The following KANK1 variants were observed in gnomAD, a reference collection of about 807,000 sequenced individuals.
The protein encoded by KANK1 is KN motif and ankyrin repeat domain-containing protein 1.
In KANK1, 109 loss-of-function variants were observed where a neutral mutation model predicts 106.2. The observed-to-expected ratio is 1.03, with a 90% CI of 0.88 to 1.20. The LOEUF (loss-of-function observed/expected upper bound fraction) is 1.20, where lower values mean the gene tolerates loss of function less well. KANK1 is among the 50% of genes most tolerant of loss of function. The pLI, the probability that KANK1 is intolerant of heterozygous loss-of-function variation, is 0.00. For synonymous variants in KANK1, 873 were observed against 652.2 expected (o/e 1.34, Z -5.16); for missense variants, 2,399 against 1,710.7 (o/e 1.40, Z -7.10).
At chr9:615,579 G>A (rs775570037) in intron 1 of KANK1, among the ~76,000 whole-genome samples, 2 of 152,136 alleles carry the variant, frequency 1.3e-5, no homozygotes, top group African/African-American at 4.8e-5. Context: ...TGTTCTTGTG[G>A]TACCTAGCAC....
In KANK1 at chr9:704,233, TA is replaced by T. The variant is rs774569219; in HGVS notation, c.38-6570del. Among the ~76,000 whole-genome samples the T allele has an allele frequency of 1.1e-4, 17 of 152,298 alleles. 1 individual carries two copies. Among genetic ancestry groups the T allele is most frequent in the Admixed American group, 7.2e-4 (11 of 15,300 alleles). On this transcript the variant is annotated intron_variant, in intron 2 of 11. Coordinates refer to ENST00000382297, the MANE Select transcript of KANK1 (RefSeq NM_015158.5). ...CGATAGCTAAAACAAAATAGACCTTTATATCTTTTTCACTTAAAAGTATAGA... is the reference window on the plus strand; with the variant it reads ...CGATAGCTAAAACAAAATAGACCTTTTATCTTTTTCACTTAAAAGTATAGA...
intron 1 of KANK1, among the ~76,000 whole-genome samples, chr9:530,175 T>A (rs2133486344): frequency 6.6e-6 from 1 of 152,336 alleles, no homozygotes; most frequent in South Asian, 2.1e-4. Flanking sequence ...GAATTGGAGT[T>A]GTTTGCAGTT....
intron 1 of KANK1, chr9:674,274 G>T (rs895371828): frequency 6.6e-6 from 1 of 151,888 alleles, no homozygotes; most frequent in Non-Finnish European, 1.5e-5. Flanking sequence ...AGAAACTAAG[G>T]ATCAGCAGGG....
At chr9:541,995 A>G (rs1344247536) in intron 1 of KANK1, among the ~76,000 whole-genome samples, 1 of 151,602 alleles carries the variant, frequency 6.6e-6, no homozygotes, top group Non-Finnish European at 1.5e-5. Context: ...AGGCTGAGGC[A>G]GGAGAATGGC....
chr9:570,715 G>A (rs1254549425), intron 1 of KANK1, among the ~76,000 whole-genome samples: 1 of 152,142 alleles, frequency 6.6e-6, no homozygotes, highest in Non-Finnish European at 1.5e-5. Flanking sequence ...TGTAGTTTTT[G>A]TAAGTTTTTA....
chr9:533,841 T>C (rs1479459802), intron 1 of KANK1, among the ~76,000 whole-genome samples: 1 of 152,242 alleles, frequency 6.6e-6, no homozygotes. Flanking sequence ...AAGTTCATTA[T>C]GTAGTTGCCT....
chr9:499,740 A>G (rs1009761868), upstream of KANK1, among the ~76,000 whole-genome samples: 1 of 152,236 alleles, frequency 6.6e-6, no homozygotes. Context: ...TGAGAATTAC[A>G]TTGACATAGA....
chr9:503,476 T>C (rs1317889702), upstream of KANK1, among the ~76,000 whole-genome samples: 2 of 152,304 alleles, frequency 1.3e-5, no homozygotes, highest in South Asian at 2.1e-4. Context: ...GCAGGTGTGC[T>C]TCGCTGTGAA....
intron 2 of KANK1, among the ~76,000 whole-genome samples, chr9:710,393 G>A (rs898087067): frequency 9.2e-5 from 14 of 152,006 alleles, no homozygotes; most frequent in Non-Finnish European, 1.8e-4. Flanking sequence ...CAGGTTGGGT[G>A]GATCACCTAA....
At chr9:546,021 A>G (rs2060910626) in intron 1 of KANK1, among the ~76,000 whole-genome samples, 1 of 152,122 alleles carries the variant, frequency 6.6e-6, no homozygotes, top group Non-Finnish European at 1.5e-5. Context: ...TGCTGGGATT[A>G]CAGGTGTGAG....
chr9:663,052 G>A lies in KANK1; in HGVS notation c.-83-13838G>A, dbSNP rs113340546. ...CCCTTTTACTTAGTGACAGTCCCAG[G>A]CACACACGAGCTTGTCATTAACAAT... is the stretch of plus-strand genomic sequence containing the variant. On this transcript the variant is annotated intron_variant, in intron 1 of 11. Transcript: ENST00000382297. Among the ~76,000 whole-genome samples the A allele has an allele frequency of 1.1e-3, 172 of 152,276 alleles. 1 individual carries two copies. Among genetic ancestry groups the A allele is most frequent in the African/African-American group, 3.9e-3 (164 of 41,530 alleles).
In KANK1 at chr9:664,327, C is replaced by G. The variant is rs113409723; in HGVS notation, c.-83-12563C>G. Among the ~76,000 whole-genome samples, 213 of 152,286 alleles carry G rather than the reference C, an allele frequency of 1.4e-3. 1 individual carries two copies. Among genetic ancestry groups the G allele is most frequent in the African/African-American group, 4.9e-3 (202 of 41,530 alleles). On this transcript the variant is annotated intron_variant, in intron 1 of 11. Transcript: ENST00000382297. The stretch of plus-strand genomic sequence containing the variant: ...TATGAGTGAGAACATGCGACATTGT[C>G]TTTCTGTGCTTTGCTTGTTTCACTG...
chr9:529,429 G>T (rs9407294), intron 1 of KANK1, among the ~76,000 whole-genome samples: 1 of 149,406 alleles, frequency 6.7e-6, no homozygotes, highest in African/African-American at 2.5e-5. Context: ...TTGATCTCTC[G>T]ACCTCGTGAT....
At chr9:740,556 C>G (rs187372347) in intron 8 of KANK1, among the ~76,000 whole-genome samples, 5 of 152,208 alleles carry the variant, frequency 3.3e-5, no homozygotes, top group Admixed American at 2.6e-4. Flanking sequence ...ACAAGATACG[C>G]TGTGGAAGCT....
At chr9:716,470 C>G (rs956705644) in intron 3 of KANK1, among the ~76,000 whole-genome samples, 13 of 152,092 alleles carry the variant, frequency 8.5e-5, no homozygotes, top group Non-Finnish European at 1.6e-4. Flanking sequence ...TGCCCCTACC[C>G]AATTATTATA....
chr9:528,588 A>G (rs1452846722), intron 1 of KANK1, among the ~76,000 whole-genome samples: 1 of 146,206 alleles, frequency 6.8e-6, no homozygotes, highest in Non-Finnish European at 1.5e-5. Context: ...TTGAAGGTTG[A>G]AGCAATTCTC....
intron 1 of KANK1, among the ~76,000 whole-genome samples, chr9:555,576 C>T (rs1019459205): frequency 1.3e-5 from 2 of 152,222 alleles, no homozygotes; most frequent in African/African-American, 2.4e-5. Context: ...CCAACCTTTG[C>T]TGCGTTTGTC....
chr9:571,608 G>A (rs572234035), intron 1 of KANK1, among the ~76,000 whole-genome samples: 7 of 151,758 alleles, frequency 4.6e-5, no homozygotes, highest in South Asian at 2.1e-4. Context: ...AAAGAAAAAC[G>A]TGACTAAGAT....
intron 2 of KANK1, among the ~76,000 whole-genome samples, chr9:688,689 G>A (rs1819148746): frequency 6.6e-6 from 1 of 152,124 alleles, no homozygotes; most frequent in African/African-American, 2.4e-5. Flanking sequence ...TGTTGTGGCT[G>A]TCTTAAGGGG....
Sources: gnomAD v4.1 joint callset for allele counts (sites outside exome capture counted in the v4.1 genomes callset) on GRCh38, gnomAD v4.1.1 for gene constraint, MANE v1.5 for transcripts, NCBI Gene and HGNC (gene_info 2026-07-23, HGNC 2026-07-21) for gene names.